The following GASK1A variants were observed in gnomAD, a reference collection of about 807,000 sequenced individuals.
The protein encoded by GASK1A is golgi associated kinase 1A.
In GASK1A, 40 loss-of-function variants were observed where a neutral mutation model predicts 41.2. That is an observed-to-expected ratio of 0.97 (90% CI 0.75 to 1.27). GASK1A has a LOEUF of 1.27. GASK1A is among the 50% of genes most tolerant of loss of function. GASK1A has a pLI of 0.00. For missense variants in GASK1A, 678 were observed against 745.1 expected, an observed-to-expected ratio of 0.91 and a Z score of 1.05; for synonymous variants, 316 against 307.1, an observed-to-expected ratio of 1.03 and a Z score of -0.30.
chr3:43,054,029 C>T, intron 3 of GASK1A: 1 of 355,536 alleles, frequency 2.8e-6, no homozygotes, highest in Non-Finnish European at 5.5e-6. Flanking sequence ...TCTTCAAGGC[C>T]ATACGCTAGC....
intron 1 of GASK1A, among the ~76,000 whole-genome samples, chr3:43,012,238 G>A (rs2089467219): frequency 6.6e-6 from 1 of 151,554 alleles, no homozygotes; most frequent in South Asian, 2.1e-4. Flanking sequence ...CACTGGAAGG[G>A]GCTTCTGAGG....
chr3:43,030,710 T>A (rs1400489801), intron 1 of GASK1A, among the ~76,000 whole-genome samples: 1 of 152,206 alleles, frequency 6.6e-6, no homozygotes, highest in Admixed American at 6.5e-5. Context: ...AAGCCCATGC[T>A]CCCAGGGCTG....
At position 42,979,536 on chromosome 3, in the gene GASK1A, C is replaced by T. The variant is rs2089268877; in HGVS notation, c.-107C>T. 8.5e-7 allele frequency: 1 copy of T among 1,181,410 alleles called. No homozygotes were observed. The highest frequency in any genetic ancestry group is 1.1e-6 in the Non-Finnish European group (1 of 939,892). 73.2% of individuals were successfully genotyped at this position (1,181,410 alleles called of 1,614,324 possible). On this transcript the variant is annotated 5_prime_UTR_variant, in exon 1 of 5. Transcript: ENST00000430121. Reference sequence around the variant, plus strand: ...CGCCCCAGCCGAGTAGCCGCGCATCCTGGGAAGCCTGGCGAGCCACGGCGC... The same window carrying T: ...CGCCCCAGCCGAGTAGCCGCGCATCTTGGGAAGCCTGGCGAGCCACGGCGC...
At chr3:43,039,769 T>A (rs2125688959) in intron 2 of GASK1A, among the ~76,000 whole-genome samples, 1 of 152,316 alleles carries the variant, frequency 6.6e-6, no homozygotes, top group Non-Finnish European at 1.5e-5. Context: ...CTCCCACTTA[T>A]AAGTGAGAAC....
At chr3:43,034,232 G>A (rs1299707480) in intron 2 of GASK1A, among the ~76,000 whole-genome samples, 4 of 152,234 alleles carry the variant, frequency 2.6e-5, no homozygotes, top group Non-Finnish European at 5.9e-5. Context: ...GAGGAAGGGA[G>A]AAAGTGAGGA....
chr3:42,997,064 C>A (rs2089378744), intron 1 of GASK1A, among the ~76,000 whole-genome samples: 1 of 152,252 alleles, frequency 6.6e-6, no homozygotes, highest in African/African-American at 2.4e-5. Flanking sequence ...GAGGCTGGAA[C>A]CTGGGCTGGA....
chr3:43,031,214 C>T (rs1477850038), intron 1 of GASK1A, among the ~76,000 whole-genome samples: 2 of 152,012 alleles, frequency 1.3e-5, no homozygotes, highest in Non-Finnish European at 2.9e-5. Context: ...CATTATGTAC[C>T]AGGGCTCTGC....
At chr3:43,007,885 T>C (rs1460783096) in intron 1 of GASK1A, among the ~76,000 whole-genome samples, 1 of 152,230 alleles carries the variant, frequency 6.6e-6, no homozygotes, top group Non-Finnish European at 1.5e-5. Context: ...ACAGCCCAGC[T>C]CAATTTACCT....
chr3:43,052,187 G>A (rs1302444910), intron 2 of GASK1A, among the ~76,000 whole-genome samples: 2 of 152,172 alleles, frequency 1.3e-5, no homozygotes, highest in Non-Finnish European at 2.9e-5. Context: ...CCAAGGAGTA[G>A]ATGGACTCTT....
chr3:43,056,416 C>A lies in GASK1A; in HGVS notation c.*30C>A. The A allele has an allele frequency of 6.8e-7, 1 of 1,479,668 alleles. No individual in the cohort carries two copies. Among genetic ancestry groups the A allele is most frequent in the East Asian group, 2.5e-5 (1 of 40,002 alleles). 91.7% of individuals were successfully genotyped at this position (1,479,668 alleles called of 1,614,324 possible). A position where few individuals can be genotyped will look rare whatever the true frequency, so the allele number is the denominator to read the frequency against. ...CACACAGCCCTGAGTCAATGAGCAT[C>A]CATCCTGATGGCCACATTTTCTTGG... On this transcript the variant is annotated 3_prime_UTR_variant, in exon 5 of 5. Coordinates refer to ENST00000430121, the MANE Select transcript of GASK1A (RefSeq NM_001129908.3).
intron 1 of GASK1A, among the ~76,000 whole-genome samples, chr3:42,980,129 A>T (rs537998673): frequency 3.3e-5 from 5 of 152,336 alleles, no homozygotes; most frequent in African/African-American, 1.2e-4. Context: ...CTAAATTAAC[A>T]TTGAGTTAAA....
chr3:43,018,036 G>A (rs1048272317), intron 1 of GASK1A, among the ~76,000 whole-genome samples: 1 of 152,030 alleles, frequency 6.6e-6, no homozygotes, highest in African/African-American at 2.4e-5. Context: ...TTGAGGTCAC[G>A]GGAAGTGGCT....
chr3:43,055,756 A>G, intron 4 of GASK1A: 1 of 541,002 alleles, frequency 1.8e-6, no homozygotes, highest in South Asian at 2.0e-5. Context: ...GTGCCTGCAG[A>G]ATACTAGCTG....
chr3:42,993,790 G>A (rs73070692), intron 1 of GASK1A, among the ~76,000 whole-genome samples: 1,790 of 152,256 alleles, frequency 0.012, 16 homozygotes, highest in Non-Finnish European at 0.017. Flanking sequence ...CTGGGTGTTG[G>A]AAGATAATTT....
intron 1 of GASK1A, among the ~76,000 whole-genome samples, chr3:43,023,870 T>A (rs188304250): frequency 2.0e-5 from 3 of 152,264 alleles, no homozygotes; most frequent in Admixed American, 2.0e-4. Flanking sequence ...CCCTTATTGC[T>A]TGAGGGCTGT....
intron 2 of GASK1A, among the ~76,000 whole-genome samples, chr3:43,043,990 C>T (rs1188966071): frequency 6.6e-6 from 1 of 152,198 alleles, no homozygotes. Flanking sequence ...CACTGTGAAA[C>T]ATTCAAATGG....
intron 1 of GASK1A, among the ~76,000 whole-genome samples, chr3:42,988,889 G>A (rs1424301835): frequency 6.6e-6 from 1 of 152,230 alleles, no homozygotes; most frequent in Non-Finnish European, 1.5e-5. Context: ...CCACTGGCCA[G>A]TCTTGCTTCT....
At position 42,999,971 on chromosome 3, in the gene GASK1A, G is replaced by C. The variant is rs940085; in HGVS notation, c.3+20326G>C. On this transcript the variant is annotated intron_variant, in intron 1 of 4. Transcript: ENST00000430121. Reference sequence around the variant, plus strand: ...TCTGTATTCATTTTTCCCTCCACTTGCCTCTAATACGGACACTTGTGATCA... The same window carrying C: ...TCTGTATTCATTTTTCCCTCCACTTCCCTCTAATACGGACACTTGTGATCA... 9.2e-5 allele frequency among the ~76,000 whole-genome samples: 14 copies of C among 152,196 alleles called. No individual in the cohort carries two copies. The East Asian group carries it at 2.5e-3, about 27-fold the overall frequency.
Position 43,057,052 on chromosome 3 carries a change from T to G in GASK1A, c.*666T>G, listed in dbSNP as rs2089719789. 1.3e-5 allele frequency: 2 copies of G among 152,206 alleles called. No individual in the cohort carries two copies. The highest frequency in any genetic ancestry group is 4.1e-4 in the South Asian group (2 of 4,832). 9.4% of individuals were successfully genotyped at this position (152,206 alleles called of 1,614,324 possible). Reference sequence around the variant, plus strand: ...GTGTGTTATTCATGGTCACACTACATGCAAATTAAAAAATGAAAGTGTGGT... The same window carrying G: ...GTGTGTTATTCATGGTCACACTACAGGCAAATTAAAAAATGAAAGTGTGGT... On this transcript the variant is annotated 3_prime_UTR_variant, in exon 5 of 5. Coordinates refer to ENST00000430121, the MANE Select transcript of GASK1A (RefSeq NM_001129908.3).
Sources: allele counts gnomAD v4.1 joint callset (sites outside exome capture counted in the v4.1 genomes callset), GRCh38; gene constraint gnomAD v4.1.1; transcripts MANE v1.5; gene names NCBI Gene and HGNC (gene_info 2026-07-23, HGNC 2026-07-21).